The following PANK1 variants were observed in gnomAD, a reference collection of about 807,000 sequenced individuals.
The protein encoded by PANK1 is pantothenic acid kinase 1.
Under a neutral mutation model 40.1 loss-of-function variants are expected in PANK1, and 18 were observed. That is an observed-to-expected ratio of 0.45 (90% CI 0.31 to 0.67). PANK1 has a LOEUF of 0.67. PANK1 is among the 30% of genes least tolerant of loss of function. The pLI is 0.06. For synonymous variants in PANK1, 242 were observed against 237.7 expected (o/e 1.02, Z -0.17); for missense variants, 457 against 599.6 (o/e 0.76, Z 2.48).
At chr10:89,634,599 T>C (rs2133024950) in intron 1 of PANK1, among the ~76,000 whole-genome samples, 1 of 152,362 alleles carries the variant, frequency 6.6e-6, no homozygotes, top group Non-Finnish European at 1.5e-5. Context: ...ATGTAGTTCT[T>C]CTGAATTCTG....
chr10:89,643,739 A>T, intron 1 of PANK1: 1 of 1,613,834 alleles, frequency 6.2e-7, no homozygotes, highest in South Asian at 1.1e-5. Context: ...GACACCCACA[A>T]AGAAGTAACC....
Position 89,584,467 on chromosome 10 carries a change from T to C in PANK1, c.1327-2A>G. ...TGCCCCAACGGCTCCAAAATAACCC[T>C]ACGAAAACAATACAAAACGATGATC... On this transcript the variant is annotated splice_acceptor_variant, in intron 6 of 6. Coordinates refer to ENST00000307534, the MANE Select transcript of PANK1 (RefSeq NM_148977.3). LOFTEE classifies it high-confidence loss of function. 6.3e-7 allele frequency: 1 copy of C among 1,598,678 alleles called. No individual in the cohort carries two copies. The highest frequency in any genetic ancestry group is 8.6e-7 in the Non-Finnish European group (1 of 1,166,060).
intron 2 of PANK1, among the ~76,000 whole-genome samples, 175 bp downstream of exon 2, chr10:89,611,521 C>G (rs1429786008): frequency 2.6e-5 from 4 of 152,114 alleles, no homozygotes; most frequent in African/African-American, 7.2e-5. Flanking sequence ...ATGTAACAAC[C>G]CTATGAGGTA....
chr10:89,601,758 C>G (rs1589775184), intron 2 of PANK1, among the ~76,000 whole-genome samples: 1 of 151,974 alleles, frequency 6.6e-6, no homozygotes, highest in Non-Finnish European at 1.5e-5. Context: ...CTTTTTTTAC[C>G]AAGTGAAACT....
intron 1 of PANK1, among the ~76,000 whole-genome samples, chr10:89,615,572 A>G (rs1254046771): frequency 6.6e-6 from 1 of 152,170 alleles, no homozygotes; most frequent in East Asian, 1.9e-4. Context: ...GGTAGGAGAG[A>G]TAAGAATTAT....
At chr10:89,632,666 T>C (rs1005891981) in intron 1 of PANK1, among the ~76,000 whole-genome samples, 1 of 152,232 alleles carries the variant, frequency 6.6e-6, no homozygotes. Context: ...TCCATACACA[T>C]AAAAGCACAT....
intron 1 of PANK1, among the ~76,000 whole-genome samples, chr10:89,639,882 T>C (rs1841923746): frequency 6.6e-6 from 1 of 152,242 alleles, no homozygotes; most frequent in Non-Finnish European, 1.5e-5. Flanking sequence ...TGTTGGCCAC[T>C]GTTACCTCCA....
chr10:89,580,112 C>T (rs1433373273), downstream of PANK1: 1 of 152,204 alleles, frequency 6.6e-6, no homozygotes, highest in Non-Finnish European at 1.5e-5. Context: ...TGAATAGACT[C>T]ATAGTGGGGC....
intron 3 of PANK1, among the ~76,000 whole-genome samples, chr10:89,596,648 A>G (rs1844617618): frequency 6.6e-6 from 1 of 152,238 alleles, no homozygotes; most frequent in South Asian, 2.1e-4. Flanking sequence ...TTCAGTAGGC[A>G]TACAGTAAAA....
rs988735984 is a variant in PANK1 at position 89,594,407 on chromosome 10, C to A, written c.900-418G>T. On this transcript the variant is annotated intron_variant, in intron 3 of 6. Transcript: ENST00000307534. The stretch of plus-strand genomic sequence containing the variant: ...AACCATATGCAGCTGAATATAAATA[C>A]CTAGAAAAAGAATTTGTGTGTACAT... 2.0e-5 allele frequency among the ~76,000 whole-genome samples: 3 copies of A among 152,230 alleles called. No homozygotes were observed. In the South Asian group the frequency reaches 6.2e-4, roughly 32 times the overall value.
At chr10:89,594,054 T>C in intron 3 of PANK1, 65 bp from the exon 4 acceptor site, 1 of 1,144,742 alleles carries the variant, frequency 8.7e-7, no homozygotes, top group Non-Finnish European at 1.3e-6. Context: ...AGTCCCCAAC[T>C]ACGTCAAGAC....
intron 1 of PANK1, among the ~76,000 whole-genome samples, chr10:89,633,174 T>C (rs1037636398): frequency 1.3e-5 from 2 of 152,158 alleles, no homozygotes; most frequent in Non-Finnish European, 2.9e-5. Context: ...TTTCAAGTTA[T>C]CAGCATAAGG....
rs1250374481 is a variant in PANK1, at chr10:89,599,538, G to A, written c.646-33C>T. 5.0e-6 allele frequency: 8 copies of A among 1,592,800 alleles called. No homozygotes were observed. In the African/African-American group the frequency reaches 9.4e-5, roughly 19 times the overall value. On this transcript the variant is annotated intron_variant, in intron 2 of 6. Coordinates refer to ENST00000307534, the MANE Select transcript of PANK1 (RefSeq NM_148977.3). Reference sequence around the variant, plus strand: ...AAAACACACAACAAAATAAAACCTTGTGAGATAGGCGACCATCTAAGGGGA... The same window carrying A: ...AAAACACACAACAAAATAAAACCTTATGAGATAGGCGACCATCTAAGGGGA...
intron 3 of PANK1, among the ~76,000 whole-genome samples, chr10:89,597,833 TGTCTCTGATATTCCTGACA>T (rs1301268529): frequency 6.6e-6 from 1 of 152,258 alleles, no homozygotes; most frequent in African/African-American, 2.4e-5. Flanking sequence ...GAAATATTCA[TGTCTCTGATATTCCTGACA>T]GTCCTCATGA....
chr10:89,629,458 CA>C (rs1274721941), intron 1 of PANK1, among the ~76,000 whole-genome samples: 1 of 152,120 alleles, frequency 6.6e-6, no homozygotes, highest in Non-Finnish European at 1.5e-5. Flanking sequence ...CGCCTGGGAT[CA>C]TTTAGTTTTG....
chr10:89,637,073 T>C lies in PANK1; in HGVS notation c.292+7527A>G, dbSNP rs192950450. ...CGGGGTTCCACCGTGTTAGCCAGGA[T>C]GGTCTCGATCTCCTGACCTTCTGAT... On this transcript the variant is annotated intron_variant, in intron 1 of 6. Coordinates refer to ENST00000307534, the MANE Select transcript of PANK1 (RefSeq NM_148977.3). Among the ~76,000 whole-genome samples, 692 of 151,600 alleles carry C rather than the reference T, an allele frequency of 4.6e-3. 3 individuals carry two copies. Among genetic ancestry groups the C allele is most frequent in the African/African-American group, 0.016 (664 of 41,312 alleles).
intron 1 of PANK1, among the ~76,000 whole-genome samples, chr10:89,626,922 A>G (rs1290098429): frequency 1.3e-5 from 2 of 152,234 alleles, no homozygotes; most frequent in Non-Finnish European, 2.9e-5. Flanking sequence ...ACTGTTATCA[A>G]TTTAATACCA....
intron 2 of PANK1, among the ~76,000 whole-genome samples, chr10:89,609,563 A>C (rs957943314): frequency 6.6e-6 from 1 of 152,192 alleles, no homozygotes; most frequent in Non-Finnish European, 1.5e-5. Context: ...TCACTAACAT[A>C]ACATCAAATG....
chr10:89,612,915 T>A (rs1028629132), intron 1 of PANK1, among the ~76,000 whole-genome samples: 15 of 152,204 alleles, frequency 9.9e-5, no homozygotes, highest in African/African-American at 3.4e-4. Flanking sequence ...TCTGCAGGCT[T>A]GGAAACTACT....
Sources: allele counts gnomAD v4.1 joint callset (sites outside exome capture counted in the v4.1 genomes callset), GRCh38; gene constraint gnomAD v4.1.1; transcripts MANE v1.5; gene names NCBI Gene and HGNC (gene_info 2026-07-23, HGNC 2026-07-21).